The following FBXW7 variants were observed in gnomAD, a reference collection of about 807,000 sequenced individuals.
The protein encoded by FBXW7 is F-box/WD repeat-containing protein 7.
A neutral mutation model predicts 86.3 loss-of-function variants in FBXW7; 11 were observed. The ratio of observed to expected loss-of-function variants is 0.13; its 90% CI spans 0.08 to 0.21. FBXW7 has a LOEUF of 0.21. Ranked by LOEUF, FBXW7 falls within the 10% of genes least tolerant of loss-of-function variation. The pLI, the probability that FBXW7 is intolerant of heterozygous loss-of-function variation, is 1.00. For missense variants in FBXW7, 488 were observed against 847.4 expected, an observed-to-expected ratio of 0.58 and a Z score of 5.27; for synonymous variants, 313 against 297.9, an observed-to-expected ratio of 1.05 and a Z score of -0.52.
chr4:152,471,876 G>C (rs1458635532), intron 2 of FBXW7, among the ~76,000 whole-genome samples: 1 of 151,792 alleles, frequency 6.6e-6, no homozygotes, highest in Non-Finnish European at 1.5e-5. Context: ...CTCCAGCCTG[G>C]GTGACAGAGT....
At chr4:152,418,955 A>C (rs1230324383) in intron 2 of FBXW7, among the ~76,000 whole-genome samples, 8 of 152,200 alleles carry the variant, frequency 5.3e-5, no homozygotes, top group Non-Finnish European at 1.2e-4. Context: ...ATATAATTTT[A>C]TTTAAAATTC....
At chr4:152,411,961 TTAA>T (rs1738004366) in intron 3 of FBXW7, 89 bp from the exon 4 acceptor site, 18 of 1,222,436 alleles carry the variant, frequency 1.5e-5, no homozygotes, top group South Asian at 9.9e-5. Context: ...CTAAATATCA[TTAA>T]TGATTGCAAA....
intron 2 of FBXW7, among the ~76,000 whole-genome samples, chr4:152,425,062 T>A (rs1268662995): frequency 6.6e-6 from 1 of 152,228 alleles, no homozygotes; most frequent in Non-Finnish European, 1.5e-5. Flanking sequence ...TTACTGCCAG[T>A]CAATGACTAA....
At chr4:152,476,072 T>C (rs1744368690) in intron 2 of FBXW7, among the ~76,000 whole-genome samples, 1 of 152,132 alleles carries the variant, frequency 6.6e-6, no homozygotes, top group Non-Finnish European at 1.5e-5. Flanking sequence ...CTAATTTCAA[T>C]AACTACCATA....
At chr4:152,435,096 G>GGGGAA (rs1050869022) in intron 2 of FBXW7, among the ~76,000 whole-genome samples, 1 of 146,208 alleles carries the variant, frequency 6.8e-6, no homozygotes, top group Non-Finnish European at 1.5e-5. Flanking sequence ...GGGGAGGGGA[G>GGGGAA]GGGAGGGGTT....
intron 2 of FBXW7, among the ~76,000 whole-genome samples, chr4:152,419,494 A>AAAACACACACACACACACAC (rs370794631): frequency 3.3e-4 from 41 of 123,342 alleles, no homozygotes; most frequent in Admixed American, 1.6e-3. Flanking sequence ...GGATAAGGTA[A>AAAACACACACACACACACAC]ACACACACAC....
chr4:152,393,034 CAAAT>C (rs1252784867), intron 4 of FBXW7, among the ~76,000 whole-genome samples: 4 of 151,932 alleles, frequency 2.6e-5, no homozygotes, highest in Non-Finnish European at 4.4e-5. Flanking sequence ...ATTCAGATGA[CAAAT>C]AAGGCAAGTA....
At chr4:152,400,509 T>C (rs893806114) in intron 4 of FBXW7, among the ~76,000 whole-genome samples, 1 of 151,818 alleles carries the variant, frequency 6.6e-6, no homozygotes, top group Non-Finnish European at 1.5e-5. Context: ...GCCTGGCTAA[T>C]TTTGTGCATT....
At chr4:152,335,951 ATAAAG>A (rs1251282043) in intron 7 of FBXW7, among the ~76,000 whole-genome samples, 1 of 152,212 alleles carries the variant, frequency 6.6e-6, no homozygotes, top group Non-Finnish European at 1.5e-5. Flanking sequence ...TTTGAGATTA[ATAAAG>A]TAAATGTTTG....
intron 9 of FBXW7, 111 bp downstream of exon 9, chr4:152,330,621 T>A: frequency 2.2e-6 from 2 of 906,400 alleles, no homozygotes; most frequent in Non-Finnish European, 3.1e-6. Context: ...AATATACGGT[T>A]TTCTTTCTAC....
At position 152,347,640 on chromosome 4, in the gene FBXW7, G is replaced by A. The variant is rs563362225; in HGVS notation, c.585-569C>T. Reference sequence around the variant, plus strand: ...AAAGTTTGGTCTGAATAGTTGACAGGACTCAGTCTTGATTAGAAATACATT... The same window carrying A: ...AAAGTTTGGTCTGAATAGTTGACAGAACTCAGTCTTGATTAGAAATACATT... On this transcript the variant is annotated intron_variant, in intron 5 of 13. Transcript: ENST00000281708. Among the ~76,000 whole-genome samples the A allele has an allele frequency of 3.3e-4, 50 of 152,116 alleles. No homozygotes were observed. In the Middle Eastern group the frequency reaches 0.014, roughly 41 times the overall value.
intron 6 of FBXW7, among the ~76,000 whole-genome samples, chr4:152,343,514 T>C (rs1730945725): frequency 6.6e-6 from 1 of 152,208 alleles, no homozygotes; most frequent in Non-Finnish European, 1.5e-5. Context: ...AGAATGGTTA[T>C]ATATTAATGA....
chr4:152,529,728 A>T (rs2149745600), intron 2 of FBXW7, among the ~76,000 whole-genome samples: 1 of 152,182 alleles, frequency 6.6e-6, no homozygotes, highest in Non-Finnish European at 1.5e-5. Flanking sequence ...GCACTGAGGG[A>T]GGTCGAGGTA....
intron 2 of FBXW7, among the ~76,000 whole-genome samples, chr4:152,444,741 G>A (rs1022780102): frequency 3.3e-5 from 5 of 152,172 alleles, no homozygotes; most frequent in Non-Finnish European, 1.5e-5. Context: ...AAAGATCTCT[G>A]GATCCCATTC....
chr4:152,516,866 C>A (rs900899078), intron 2 of FBXW7, among the ~76,000 whole-genome samples: 1 of 152,136 alleles, frequency 6.6e-6, no homozygotes, highest in Non-Finnish European at 1.5e-5. Flanking sequence ...TATTTTGTCA[C>A]CCAGGCTGGA....
chr4:152,409,484 G>T (rs962504237), intron 4 of FBXW7, among the ~76,000 whole-genome samples: 1 of 152,100 alleles, frequency 6.6e-6, no homozygotes, highest in Non-Finnish European at 1.5e-5. Context: ...AGTACTCAGT[G>T]ACTTTTTTTA....
At chr4:152,447,020 T>A (rs956549660) in intron 2 of FBXW7, among the ~76,000 whole-genome samples, 1 of 152,164 alleles carries the variant, frequency 6.6e-6, no homozygotes. Context: ...TTATTTTCAA[T>A]TTTCCATAAT....
intron 4 of FBXW7, chr4:152,382,204 A>T (rs1343599079): frequency 1.5e-5 from 23 of 1,551,700 alleles, no homozygotes; most frequent in Non-Finnish European, 1.7e-5. Flanking sequence ...TTCGACAAAA[A>T]GGGAGGCCTT....
At chr4:152,456,269 TTCTGGAGGCTGAAGTGGAA>T (rs1387825914) in intron 2 of FBXW7, among the ~76,000 whole-genome samples, 1 of 151,166 alleles carries the variant, frequency 6.6e-6, no homozygotes, top group African/African-American at 2.4e-5. Flanking sequence ...ATCCCTGCAC[TTCTGGAGGCTGAAGTGGAA>T]GGATGGCTTG....
Sources: gnomAD v4.1 joint callset for allele counts (sites outside exome capture counted in the v4.1 genomes callset) on GRCh38, gnomAD v4.1.1 for gene constraint, MANE v1.5 for transcripts, NCBI Gene and HGNC (gene_info 2026-07-23, HGNC 2026-07-21) for gene names.